The following PNPLA1 variants were observed in gnomAD, a reference collection of about 807,000 sequenced individuals.
PNPLA1 encodes the protein omega-hydroxyceramide transacylase.
Under a neutral mutation model 51.7 loss-of-function variants are expected in PNPLA1, and 36 were observed. That is an observed-to-expected ratio of 0.70 (90% CI 0.53 to 0.92). The LOEUF (loss-of-function observed/expected upper bound fraction) is 0.92. PNPLA1 is among the 40% of genes least tolerant of loss of function. PNPLA1 has a pLI of 0.00. For synonymous variants in PNPLA1, 293 were observed against 280.1 expected, an observed-to-expected ratio of 1.05 and a Z score of -0.46; for missense variants, 658 against 682.5, an observed-to-expected ratio of 0.96 and a Z score of 0.40.
At chr6:36,285,013 G>A (rs1487014505) in intron 1 of PNPLA1, among the ~76,000 whole-genome samples, 2 of 152,158 alleles carry the variant, frequency 1.3e-5, no homozygotes, top group African/African-American at 2.4e-5. Context: ...CTCCTCGGAG[G>A]CTGGCTGTCA....
intron 1 of PNPLA1, among the ~76,000 whole-genome samples, chr6:36,277,020 G>A (rs1425235881): frequency 6.6e-6 from 1 of 152,240 alleles, no homozygotes; most frequent in Non-Finnish European, 1.5e-5. Context: ...CCTCATAGAA[G>A]CGGCATTTGA....
Position 36,312,714 on chromosome 6 carries a change from C to T in PNPLA1, c.*828C>T, listed in dbSNP as rs1176725879. 1.3e-5 allele frequency among the ~76,000 whole-genome samples: 2 copies of T among 152,218 alleles called. No homozygotes were observed. Among genetic ancestry groups the T allele is most frequent in the Admixed American group, 6.5e-5 (1 of 15,280 alleles). On this transcript the variant is annotated 3_prime_UTR_variant, in exon 9 of 9. Coordinates refer to ENST00000636260, the MANE Select transcript of PNPLA1 (RefSeq NM_001374623.1). Reference sequence around the variant, plus strand: ...ACCTATTCCCAGCCCCGATGGTGCACAAGATCTGTTTCCCTTCCAGGGTGA... The same window carrying T: ...ACCTATTCCCAGCCCCGATGGTGCATAAGATCTGTTTCCCTTCCAGGGTGA...
chr6:36,301,832 G>C, intron 5 of PNPLA1, 29 bp from the exon 6 acceptor site: 1 of 1,598,486 alleles, frequency 6.3e-7, no homozygotes, highest in Non-Finnish European at 8.5e-7. Context: ...CCAGGGCTGA[G>C]TAACACCCCA....
chr6:36,248,230 G>T (rs752622363), intron 1 of PNPLA1, among the ~76,000 whole-genome samples: 16 of 152,154 alleles, frequency 1.1e-4, no homozygotes, highest in Non-Finnish European at 2.2e-4. Context: ...AAAGAAAAAT[G>T]CAGTGGAGAA....
intron 1 of PNPLA1, chr6:36,243,310 G>A (rs1224822146): frequency 6.6e-6 from 1 of 152,230 alleles, no homozygotes; most frequent in Non-Finnish European, 1.5e-5. Flanking sequence ...TGCATGGTGG[G>A]GGGTGGTGCG....
At chr6:36,295,243 G>A (rs929745374) in intron 4 of PNPLA1, 121 bp from the exon 5 acceptor site, 32 of 1,006,350 alleles carry the variant, frequency 3.2e-5, no homozygotes, top group Non-Finnish European at 4.3e-5. Flanking sequence ...GGATGGGTAC[G>A]TTTTGAAAAG....
At chr6:36,250,894 G>A (rs550962571) in intron 1 of PNPLA1, among the ~76,000 whole-genome samples, 1 of 152,276 alleles carries the variant, frequency 6.6e-6, no homozygotes, top group South Asian at 2.1e-4. Context: ...AGTAGAGCCG[G>A]GGTTTCACCA....
At chr6:36,274,242 C>T (rs1199348253) in intron 1 of PNPLA1, among the ~76,000 whole-genome samples, 1 of 152,186 alleles carries the variant, frequency 6.6e-6, no homozygotes, top group East Asian at 1.9e-4. Flanking sequence ...ACACAGATAG[C>T]ACTTGGTAAA....
chr6:36,307,440 TA>T lies in PNPLA1; in HGVS notation c.1470-140del, dbSNP rs970559720. 2.1e-4 allele frequency: 168 copies of T among 810,838 alleles called. No homozygotes were observed. The African/African-American group carries it at 2.4e-3, about 12-fold the overall frequency. 50.2% of individuals were successfully genotyped at this position (810,838 alleles called of 1,614,324 possible). A position where few individuals can be genotyped will look rare whatever the true frequency, so the allele number is the denominator to read the frequency against. ...AGATAAATATTCATTGATTATATTT[TA>T]AAAAAAGTTTGCTGGGAAATCCAAT... On this transcript the variant is annotated intron_variant, in intron 7 of 8. Coordinates refer to ENST00000636260, the MANE Select transcript of PNPLA1 (RefSeq NM_001374623.1).
intron 2 of PNPLA1, among the ~76,000 whole-genome samples, chr6:36,292,131 CG>C (rs1770704876): frequency 6.6e-6 from 1 of 152,170 alleles, no homozygotes; most frequent in Non-Finnish European, 1.5e-5. Context: ...CAGTGTCTTT[CG>C]GGACAAAGGG....
In PNPLA1 at chr6:36,270,582, G is replaced by A. The variant is rs1271035422; in HGVS notation, c.123G>A (p.Arg41=). ...ACGCCCTGCGGGACCTGGCCCCCCGGATGCTGGAAACAGCCCACCGCTTTG... is the reference window on the plus strand; with the variant it reads ...ACGCCCTGCGGGACCTGGCCCCCCGAATGCTGGAAACAGCCCACCGCTTTG... ...AVDALRDLAP[R]MLETAHRFAG... is the part of the protein sequence containing the mutation. Residue 41 remains arginine (R), a synonymous_variant, in exon 1 of 9, where the codon CGG becomes CGA. Coordinates refer to ENST00000636260, the MANE Select transcript of PNPLA1 (RefSeq NM_001374623.1). 8.4e-6 allele frequency: 13 copies of A among 1,551,514 alleles called. No individual in the cohort carries two copies. The highest frequency in any genetic ancestry group is 1.1e-5 in the Non-Finnish European group (13 of 1,147,004).
chr6:36,300,382 G>A (rs1771004047), intron 5 of PNPLA1, among the ~76,000 whole-genome samples: 1 of 152,066 alleles, frequency 6.6e-6, no homozygotes, highest in Non-Finnish European at 1.5e-5. Context: ...TTTTAGTAGA[G>A]ATGGGGTTTC....
At chr6:36,287,694 G>T (rs750679862) in intron 1 of PNPLA1, among the ~76,000 whole-genome samples, 1 of 152,026 alleles carries the variant, frequency 6.6e-6, no homozygotes, top group African/African-American at 2.4e-5. Context: ...GAGAGAGATA[G>T]ACAGAGACAG....
rs140585347 is a variant in PNPLA1 at position 36,291,497 on chromosome 6, C to A, written c.383C>A (p.Thr128Lys). 1 of 1,431,426 alleles carries A rather than the reference C, an allele frequency of 7.0e-7. No homozygotes were observed. The highest frequency in any genetic ancestry group is 9.4e-7 in the Non-Finnish European group (1 of 1,067,246). The allele number at this position is 1,431,426 out of a possible 1,614,324, so 88.7% of individuals were successfully genotyped here. ...GKLHVSLTRL[T>K]DGENVVVSEF... Reference sequence around the variant, plus strand: ...CTCCATGTGAGCCTCACCCGCTTAACGGACGGGGAGAATGTGGTGGTTTCA... The same window carrying A: ...CTCCATGTGAGCCTCACCCGCTTAAAGGACGGGGAGAATGTGGTGGTTTCA... The change falls in exon 2 of 9, where the codon ACG (threonine) becomes AAG (lysine). Residue 128 changes from threonine to lysine, a missense_variant. Coordinates refer to ENST00000636260, the MANE Select transcript of PNPLA1 (RefSeq NM_001374623.1).
chr6:36,303,773 A>G (rs564141477), intron 6 of PNPLA1, among the ~76,000 whole-genome samples: 38 of 152,364 alleles, frequency 2.5e-4, no homozygotes, highest in Non-Finnish European at 5.3e-4. Context: ...TGGAGGTTGC[A>G]GGGAGCCAAG....
chr6:36,295,336 G>C (rs767528725), intron 4 of PNPLA1, 28 bp from the exon 5 acceptor site: 1 of 1,613,846 alleles, frequency 6.2e-7, no homozygotes, highest in Non-Finnish European at 8.5e-7. Context: ...CGCAGCCTTG[G>C]TAATTCTCCT....
intron 8 of PNPLA1, chr6:36,308,575 T>TA (rs1032002494): frequency 1.3e-5 from 2 of 152,142 alleles, no homozygotes; most frequent in Admixed American, 1.3e-4. Context: ...TCTGGCAAAA[T>TA]AAAAAATGAA....
chr6:36,301,307 A>C (rs732394), intron 5 of PNPLA1, among the ~76,000 whole-genome samples: 55,827 of 151,864 alleles, frequency 0.37, 12,876 homozygotes, highest in Non-Finnish European at 0.5. Flanking sequence ...CCCTGCCTAA[A>C]AGTCATGCTA....
In PNPLA1 at chr6:36,245,267, G is replaced by C. The variant is rs553751795; in HGVS notation, c.-81+2006G>C. Reference sequence around the variant, plus strand: ...ACTGAAGTCTCTGTGCCAGTGGATGGCATTTTCCATTTGCTGGGGGCCTGG... The same window carrying C: ...ACTGAAGTCTCTGTGCCAGTGGATGCCATTTTCCATTTGCTGGGGGCCTGG... On this transcript the variant is annotated intron_variant, in intron 1 of 7. Transcript: ENST00000312917. Among the ~76,000 whole-genome samples the C allele has an allele frequency of 2.0e-5, 3 of 152,290 alleles. No individual in the cohort carries two copies. The East Asian group carries it at 5.8e-4, about 29-fold the overall frequency.
Sources: allele counts gnomAD v4.1 joint callset (sites outside exome capture counted in the v4.1 genomes callset), GRCh38; gene constraint gnomAD v4.1.1; transcripts MANE v1.5; gene names NCBI Gene and HGNC (gene_info 2026-07-23, HGNC 2026-07-21).